The following FAR2 variants were observed in gnomAD, a reference collection of about 807,000 sequenced individuals.
The protein encoded by FAR2 is epididymis secretory protein Li 81.
Under a neutral mutation model 56.0 loss-of-function variants are expected in FAR2, and 19 were observed. The observed-to-expected ratio is 0.34, with a 90% CI of 0.24 to 0.50. The LOEUF (loss-of-function observed/expected upper bound fraction) is 0.50. Among genes scored for constraint, FAR2 ranks in the 20% least tolerant of loss-of-function variants. The pLI, the probability that FAR2 is intolerant of heterozygous loss-of-function variation, is 0.98. For synonymous variants in FAR2, 219 were observed against 218.8 expected (o/e 1.00, Z -0.01); for missense variants, 508 against 642.2 (o/e 0.79, Z 2.26).
chr12:29,303,723 G>C (rs1949213022), intron 4 of FAR2, among the ~76,000 whole-genome samples: 1 of 152,182 alleles, frequency 6.6e-6, no homozygotes. Flanking sequence ...CTCTTCTAGG[G>C]GAACGGTGAA....
intron 10 of FAR2, among the ~76,000 whole-genome samples, chr12:29,323,329 C>A (rs1949584266): frequency 6.6e-6 from 1 of 152,234 alleles, no homozygotes; most frequent in Non-Finnish European, 1.5e-5. Context: ...GGGCAGGGCA[C>A]AGACAAACAA....
intron 10 of FAR2, among the ~76,000 whole-genome samples, chr12:29,330,214 G>A (rs1405926996): frequency 5.3e-5 from 8 of 151,982 alleles, no homozygotes; most frequent in South Asian, 2.1e-4. Flanking sequence ...ATGCCACGAC[G>A]CCTGGCTAAT....
chr12:29,215,746 G>C (rs1445841745), intron 1 of FAR2, among the ~76,000 whole-genome samples: 1 of 152,126 alleles, frequency 6.6e-6, no homozygotes, highest in Non-Finnish European at 1.5e-5. Context: ...TAGACACACT[G>C]TGGTTATAGT....
chr12:29,155,447 G>A (rs923354320), intron 1 of FAR2, among the ~76,000 whole-genome samples: 2 of 152,224 alleles, frequency 1.3e-5, no homozygotes, highest in African/African-American at 4.8e-5. Flanking sequence ...GAAGAAACAG[G>A]TTCACACAGC....
At chr12:29,241,269 A>C (rs1398898620) in intron 1 of FAR2, among the ~76,000 whole-genome samples, 1 of 152,198 alleles carries the variant, frequency 6.6e-6, no homozygotes, top group South Asian at 2.1e-4. Context: ...GTATGTATAC[A>C]TGTCTCCACT....
rs73267696 is a variant in FAR2, at chr12:29,240,110, G to A, written c.-38-30302G>A. Among the ~76,000 whole-genome samples the A allele has an allele frequency of 2.7e-3, 414 of 152,232 alleles. 2 individuals are homozygous for A. The highest frequency in any genetic ancestry group is 9.5e-3 in the African/African-American group (394 of 41,542). On this transcript the variant is annotated intron_variant, in intron 1 of 11. Coordinates refer to ENST00000536681, the MANE Select transcript of FAR2 (RefSeq NM_001271783.2). ...AAAAGACAAATGTTTATATTCTCCT[G>A]ACTCCAGCTGTCGACAGCGTGGCTC...
chr12:29,183,844 T>C (rs1057185662), intron 1 of FAR2, among the ~76,000 whole-genome samples: 3 of 152,242 alleles, frequency 2.0e-5, no homozygotes, highest in Non-Finnish European at 4.4e-5. Flanking sequence ...GTATCATTCA[T>C]GTATTAAATG....
rs78819825 is a variant in FAR2 at position 29,269,205 on chromosome 12, T to C, written c.-38-1207T>C. 5.0e-3 allele frequency among the ~76,000 whole-genome samples: 764 copies of C among 152,188 alleles called. 26 individuals are homozygous for C. The East Asian group carries it at 0.072, about 14-fold the overall frequency. On this transcript the variant is annotated intron_variant, in intron 1 of 11. Coordinates refer to ENST00000536681, the MANE Select transcript of FAR2 (RefSeq NM_001271783.2). ...CTTGACCATAAAAGACAGGTGCACC[T>C]TGGGGGGGCCGTTCATAGGCCTATA...
chr12:29,243,937 C>T (rs1016352285), intron 1 of FAR2, among the ~76,000 whole-genome samples: 9 of 152,140 alleles, frequency 5.9e-5, no homozygotes, highest in East Asian at 3.9e-4. Flanking sequence ...GGTGGTGTCT[C>T]GTTCATCATA....
chr12:29,328,991 G>T (rs950138012), intron 10 of FAR2, among the ~76,000 whole-genome samples: 3 of 152,052 alleles, frequency 2.0e-5, no homozygotes, highest in African/African-American at 7.2e-5. Context: ...CTTACTGAGT[G>T]TGATTCAAAT....
intron 1 of FAR2, among the ~76,000 whole-genome samples, chr12:29,167,408 C>T (rs1949839932): frequency 1.3e-5 from 2 of 152,190 alleles, no homozygotes; most frequent in African/African-American, 4.8e-5. Context: ...TGACATTCCC[C>T]TATTCAAGTC....
rs1436755403 is a variant in FAR2 at position 29,293,520 on chromosome 12, A to C, written c.365+45A>C. 7 of 1,312,568 alleles carry C rather than the reference A, an allele frequency of 5.3e-6. No homozygotes were observed. The East Asian group carries it at 2.0e-4, about 37-fold the overall frequency. 81.3% of individuals were successfully genotyped at this position (1,312,568 alleles called of 1,614,324 possible). A position where few individuals can be genotyped will look rare whatever the true frequency, so the allele number is the denominator to read the frequency against. Reference sequence around the variant, plus strand: ...TCATGGCTTGTATACATATGTGTGCATGTAAATTTCTTCATAGTTTCTGTA... The same window carrying C: ...TCATGGCTTGTATACATATGTGTGCCTGTAAATTTCTTCATAGTTTCTGTA... On this transcript the variant is annotated intron_variant, in intron 3 of 11. Coordinates refer to ENST00000536681, the MANE Select transcript of FAR2 (RefSeq NM_001271783.2).
At position 29,334,434 on chromosome 12, in the gene FAR2, G is replaced by T. The variant is rs1949771676; in HGVS notation, c.*640G>T. The T allele has an allele frequency of 6.6e-6, 1 of 152,172 alleles. No individual in the cohort carries two copies. The highest frequency in any genetic ancestry group is 6.6e-5 in the Admixed American group (1 of 15,266). The allele number at this position is 152,172 out of a possible 1,614,324, so 9.4% of individuals were successfully genotyped here. A position where few individuals can be genotyped will look rare whatever the true frequency, so the allele number is the denominator to read the frequency against. ...AGAAGTGTAAATAAGTATGTATAGA[G>T]TGAGGGATTAAGCATATTTGCATTG... On this transcript the variant is annotated 3_prime_UTR_variant, in exon 12 of 12. Transcript: ENST00000536681.
chr12:29,324,070 A>C (rs1949601458), intron 10 of FAR2, among the ~76,000 whole-genome samples: 1 of 152,262 alleles, frequency 6.6e-6, no homozygotes. Flanking sequence ...GATGGAGCTG[A>C]AAGCCAAGGC....
At chr12:29,204,380 G>A (rs1019329624) in intron 1 of FAR2, among the ~76,000 whole-genome samples, 3 of 152,078 alleles carry the variant, frequency 2.0e-5, no homozygotes, top group Non-Finnish European at 2.9e-5. Flanking sequence ...AATTGCCATA[G>A]GGAAGATAAT....
intron 1 of FAR2, among the ~76,000 whole-genome samples, chr12:29,243,071 C>T (rs1040754791): frequency 1.3e-5 from 2 of 152,128 alleles, no homozygotes; most frequent in Non-Finnish European, 2.9e-5. Flanking sequence ...TAGTGGAAAA[C>T]GGGAAGGCTT....
At chr12:29,323,004 A>T (rs980627927) in intron 10 of FAR2, among the ~76,000 whole-genome samples, 4 of 152,180 alleles carry the variant, frequency 2.6e-5, no homozygotes, top group Non-Finnish European at 5.9e-5. Flanking sequence ...GAAATGCAGA[A>T]ATCACCCGTC....
intron 1 of FAR2, among the ~76,000 whole-genome samples, chr12:29,232,821 G>GCGCACACACACA (rs71444325): frequency 0.034 from 4,948 of 145,932 alleles, 234 homozygotes; most frequent in African/African-American, 0.1. Flanking sequence ...ACGCGCTCGC[G>GCGCACACACACA]CACACACACA....
intron 3 of FAR2, among the ~76,000 whole-genome samples, chr12:29,294,350 A>AT (rs35909451): frequency 0.15 from 22,340 of 148,292 alleles, 1,678 homozygotes; most frequent in Middle Eastern, 0.29. Context: ...GTAATTCTTA[A>AT]TTTTTTTTTT....
Sources: allele counts gnomAD v4.1 joint callset (sites outside exome capture counted in the v4.1 genomes callset), GRCh38; gene constraint gnomAD v4.1.1; transcripts MANE v1.5; gene names NCBI Gene and HGNC (gene_info 2026-07-23, HGNC 2026-07-21).